NBAS: variants seen among roughly 807,000 people sequenced by gnomAD.
The protein encoded by NBAS is NBAS subunit of NRZ tethering complex, also known as NAG/BC035112 fusion.
A neutral mutation model predicts 302.5 loss-of-function variants in NBAS; 219 were observed. That is an observed-to-expected ratio of 0.72 (90% CI 0.65 to 0.81). The LOEUF (loss-of-function observed/expected upper bound fraction) is 0.81. Ranked by LOEUF, NBAS falls within the 30% of genes least tolerant of loss-of-function variation. NBAS has a pLI of 0.00. For synonymous variants in NBAS, 1,118 were observed against 1,021.6 expected, an observed-to-expected ratio of 1.09 and a Z score of -1.80; for missense variants, 2,932 against 2,841.6, an observed-to-expected ratio of 1.03 and a Z score of -0.72.
At chr2:15,159,561 C>CA in the NBAS span, among the ~76,000 whole-genome samples, 2 of 149,708 alleles carry the variant, frequency 1.3e-5, no homozygotes, top group South Asian at 2.1e-4. Context: ...TGTGAAATAC[C>CA]TAGAGTAGTC....
chr2:15,319,988 A>T (rs1388021806), intron 38 of NBAS, among the ~76,000 whole-genome samples: 3 of 152,228 alleles, frequency 2.0e-5, no homozygotes, highest in Admixed American at 1.3e-4. Context: ...CATTGATGCG[A>T]AAGTCCTCAA....
chr2:15,349,636 T>G lies in NBAS; in HGVS notation c.4179+2356A>C, dbSNP rs1673255945. 2.6e-5 allele frequency among the ~76,000 whole-genome samples: 4 copies of G among 152,142 alleles called. No individual in the cohort carries two copies. In the South Asian group the frequency reaches 8.3e-4, roughly 32 times the overall value. On this transcript the variant is annotated intron_variant, in intron 35 of 51. Transcript: ENST00000281513. ...GTAGACAGTAGCCTCATGTGGTTAT[T>G]TAAATTTAAATTAAATAAAATTAAA... is the stretch of plus-strand genomic sequence containing the variant.
In NBAS at chr2:15,180,839, T is replaced by G. The variant is rs554093532; in HGVS notation, c.6712-1723A>C. Among the ~76,000 whole-genome samples the G allele has an allele frequency of 3.3e-5, 5 of 152,322 alleles. No homozygotes were observed. In the East Asian group the frequency reaches 5.8e-4, roughly 18 times the overall value. The stretch of plus-strand genomic sequence containing the variant: ...CTGCTGGGTGCTGGACTCTCACACC[T>G]CCAGGTGTTTGCACATAGTGTAACT... On this transcript the variant is annotated intron_variant, in intron 50 of 51. Coordinates refer to ENST00000281513, the MANE Select transcript of NBAS (RefSeq NM_015909.4).
chr2:14,989,432 C>T, the NBAS span, among the ~76,000 whole-genome samples: 2 of 151,912 alleles, frequency 1.3e-5, no homozygotes, highest in East Asian at 1.9e-4. Flanking sequence ...GTGGCGCATG[C>T]CTATAGTACC....
chr2:14,888,641 T>G, the NBAS span, among the ~76,000 whole-genome samples: 1 of 152,180 alleles, frequency 6.6e-6, no homozygotes, highest in Non-Finnish European at 1.5e-5. Context: ...TTTAATAATG[T>G]ATAATTTAAT....
the NBAS span, among the ~76,000 whole-genome samples, chr2:14,852,410 C>T: frequency 7.1e-4 from 60 of 84,110 alleles, 6 homozygotes; most frequent in Non-Finnish European, 1.0e-3. Context: ...AACTACAAAC[C>T]ACTGCTCAAG....
At chr2:15,425,013 GACT>G (rs1480695630) in intron 22 of NBAS, among the ~76,000 whole-genome samples, 1 of 151,970 alleles carries the variant, frequency 6.6e-6, no homozygotes, top group Admixed American at 6.6e-5. Context: ...CACAGCACAG[GACT>G]ACTCTATACC....
At chr2:15,535,563 T>TAAATAAATAAAA (rs1344204815) in intron 8 of NBAS, among the ~76,000 whole-genome samples, 14 of 139,318 alleles carry the variant, frequency 1.0e-4, no homozygotes, top group African/African-American at 2.0e-4. Context: ...AATAAATAAA[T>TAAATAAATAAAA]AAAAATAAAA....
the NBAS span, among the ~76,000 whole-genome samples, chr2:14,871,085 A>G: frequency 1.2e-4 from 18 of 152,228 alleles, no homozygotes; most frequent in African/African-American, 4.1e-4. Context: ...GCACAGTAAT[A>G]CTACACAAAG....
the NBAS span, among the ~76,000 whole-genome samples, chr2:14,868,375 CAATAG>C: frequency 1.3e-5 from 2 of 152,012 alleles, no homozygotes; most frequent in East Asian, 1.9e-4. Flanking sequence ...AACAAGACTA[CAATAG>C]AATATGTTGA....
At chr2:14,864,248 T>C in the NBAS span, among the ~76,000 whole-genome samples, 2 of 144,178 alleles carry the variant, frequency 1.4e-5, no homozygotes, top group African/African-American at 5.3e-5. Context: ...ACCCAGGAGG[T>C]AGGAGGAGGT....
the NBAS span, among the ~76,000 whole-genome samples, chr2:15,118,366 G>A: frequency 4.6e-5 from 7 of 152,226 alleles, no homozygotes; most frequent in Admixed American, 2.0e-4. Context: ...CTCAGCCATT[G>A]TCATCACTGA....
Position 15,275,742 on chromosome 2 carries a change from AT to A in NBAS, c.5465del (p.Asn1822IlefsTer60). ...GAACAAGTTTGGAAATAGACAAGAT[AT>A]TTTGACTTGAAAGAACTGGCTCCAA... ...EALEPVLSSQ[N>X]ILSISKLVPK... On this transcript the variant is annotated frameshift_variant, in exon 44 of 52. Coordinates refer to ENST00000281513, the MANE Select transcript of NBAS (RefSeq NM_015909.4). LOFTEE classifies it high-confidence loss of function. The A allele has an allele frequency of 6.2e-7, 1 of 1,614,188 alleles. No individual in the cohort carries two copies. The highest frequency in any genetic ancestry group is 8.5e-7 in the Non-Finnish European group (1 of 1,180,032).
At chr2:14,906,091 A>AAGC in the NBAS span, among the ~76,000 whole-genome samples, 147 of 152,092 alleles carry the variant, frequency 9.7e-4, 1 homozygote, top group African/African-American at 3.2e-3. Flanking sequence ...CAGCAGTGGT[A>AAGC]AGCAGCAGCA....
At chr2:14,821,661 A>G in the NBAS span, among the ~76,000 whole-genome samples, 1 of 152,140 alleles carries the variant, frequency 6.6e-6, no homozygotes, top group East Asian at 1.9e-4. Context: ...TGATTAATAC[A>G]GAAGGCTCAG....
intron 7 of NBAS, among the ~76,000 whole-genome samples, chr2:15,536,898 T>C (rs1056245320): frequency 4.6e-5 from 7 of 152,252 alleles, no homozygotes; most frequent in Non-Finnish European, 8.8e-5. Context: ...TGTTTAAAGA[T>C]AGAAGCTTCC....
At chr2:15,325,016 A>C (rs977937171) in intron 38 of NBAS, among the ~76,000 whole-genome samples, 1 of 152,194 alleles carries the variant, frequency 6.6e-6, no homozygotes, top group Non-Finnish European at 1.5e-5. Flanking sequence ...CAAAAACAGC[A>C]CTAGAAAATA....
At chr2:15,486,992 T>A (rs1680655401) in intron 12 of NBAS, among the ~76,000 whole-genome samples, 1 of 152,192 alleles carries the variant, frequency 6.6e-6, no homozygotes, top group Admixed American at 6.5e-5. Context: ...GAATAGCCTT[T>A]ACACTGGATG....
At chr2:14,827,872 T>G in the NBAS span, among the ~76,000 whole-genome samples, 1 of 152,208 alleles carries the variant, frequency 6.6e-6, no homozygotes, top group African/African-American at 2.4e-5. Flanking sequence ...AAAGACCTGC[T>G]GTGCAACACT....
Sources: gnomAD v4.1 joint callset for allele counts (sites outside exome capture counted in the v4.1 genomes callset) on GRCh38, gnomAD v4.1.1 for gene constraint, MANE v1.5 for transcripts, NCBI Gene and HGNC (gene_info 2026-07-23, HGNC 2026-07-21) for gene names.